The following FAT3 variants were observed in gnomAD, a reference collection of about 807,000 sequenced individuals.
FAT3 encodes the protein FAT atypical cadherin 3.
FAT3 carries 95 observed loss-of-function variants against 310.2 expected under a neutral mutation model. The observed-to-expected ratio is 0.31, with a 90% confidence interval of 0.26 to 0.36. The LOEUF is 0.36. FAT3 is among the 10% of genes least tolerant of loss of function. The pLI is 1.00. For synonymous variants in FAT3, 2,314 were observed against 2,192.9 expected (o/e 1.06, Z -1.54); for missense variants, 5,408 against 5,715.6 (o/e 0.95, Z 1.74).
intron 2 of FAT3, among the ~76,000 whole-genome samples, chr11:92,410,096 C>G (rs1486823786): frequency 6.6e-6 from 1 of 151,968 alleles, no homozygotes; most frequent in Non-Finnish European, 1.5e-5. Flanking sequence ...ATTTCTTTTA[C>G]CTGAGGGTGT....
chr11:92,357,331 CTT>C (rs1455458106), intron 2 of FAT3, among the ~76,000 whole-genome samples: 2 of 152,270 alleles, frequency 1.3e-5, no homozygotes, highest in African/African-American at 4.8e-5. Flanking sequence ...TATTTTCAAA[CTT>C]AGCTTTGTGT....
chr11:92,600,599 G>GTCTACTATTTGCCAGGATGTGTTGT (rs1939968162), intron 3 of FAT3, among the ~76,000 whole-genome samples: 1 of 152,170 alleles, frequency 6.6e-6, no homozygotes, highest in African/African-American at 2.4e-5. Context: ...TTAATTGAGT[G>GTCTACTATTTGCCAGGATGTGTTGT]TCTACTATTT....
intron 3 of FAT3, among the ~76,000 whole-genome samples, chr11:92,681,051 T>C (rs1051671036): frequency 3.3e-5 from 5 of 152,252 alleles, no homozygotes; most frequent in African/African-American, 1.2e-4. Context: ...TTTGGAAGTA[T>C]TTTTTATATA....
At chr11:92,658,623 C>G (rs528506528) in intron 3 of FAT3, among the ~76,000 whole-genome samples, 20 of 152,284 alleles carry the variant, frequency 1.3e-4, no homozygotes, top group African/African-American at 4.6e-4. Context: ...TTGCTGCCTC[C>G]CTAGAGGCTG....
At position 92,727,444 on chromosome 11, in the gene FAT3, T is replaced by C. The variant is rs181081452; in HGVS notation, c.3669+29999T>C. ...TATTTAGCTAGAATTTTAATAATGC[T>C]TAAAAAAAAACATGGTATGAAATGA... On this transcript the variant is annotated intron_variant, in intron 4 of 27. Coordinates refer to ENST00000525166, the MANE Select transcript of FAT3 (RefSeq NM_001367949.2). 8.9e-5 allele frequency among the ~76,000 whole-genome samples: 12 copies of C among 135,106 alleles called. No individual in the cohort carries two copies. In the Admixed American group the frequency reaches 8.9e-4, roughly 10 times the overall value. 88.6% of individuals were successfully genotyped at this position (135,106 alleles called of 152,430 possible).
chr11:92,713,383 C>G (rs779448790), intron 4 of FAT3, among the ~76,000 whole-genome samples: 32 of 152,206 alleles, frequency 2.1e-4, no homozygotes, highest in Admixed American at 6.5e-4. Context: ...GTTGTCAGAA[C>G]ACTAAACTCA....
chr11:92,755,607 G>A (rs978292501), intron 4 of FAT3, among the ~76,000 whole-genome samples: 3 of 152,198 alleles, frequency 2.0e-5, no homozygotes, highest in Non-Finnish European at 4.4e-5. Context: ...TAGCCATTCC[G>A]AGGTGTATAC....
intron 4 of FAT3, among the ~76,000 whole-genome samples, chr11:92,755,928 A>G (rs771098617): frequency 1.3e-5 from 2 of 152,172 alleles, no homozygotes; most frequent in Non-Finnish European, 2.9e-5. Context: ...CTGGATAAAT[A>G]TTTCATTTAT....
intron 1 of FAT3, among the ~76,000 whole-genome samples, chr11:92,260,082 A>G (rs1057254136): frequency 1.3e-5 from 2 of 152,170 alleles, no homozygotes; most frequent in African/African-American, 2.4e-5. Flanking sequence ...GTAGAATTCT[A>G]AGCACCCATT....
intron 1 of FAT3, among the ~76,000 whole-genome samples, chr11:92,283,239 T>C (rs1010690425): frequency 1.3e-5 from 2 of 152,180 alleles, no homozygotes; most frequent in African/African-American, 4.8e-5. Context: ...CAAAATAAAA[T>C]CTGAGACTTA....
chr11:92,334,856 A>T (rs1426967385), intron 1 of FAT3, among the ~76,000 whole-genome samples: 1 of 152,144 alleles, frequency 6.6e-6, no homozygotes, highest in Non-Finnish European at 1.5e-5. Context: ...CTCAGATAAG[A>T]ATTGGCCCCA....
chr11:92,789,694 C>T (rs1211468735), intron 7 of FAT3, among the ~76,000 whole-genome samples: 1 of 152,174 alleles, frequency 6.6e-6, no homozygotes, highest in Non-Finnish European at 1.5e-5. Flanking sequence ...GTGGTTGTCT[C>T]AGCTGTTCAA....
chr11:92,571,657 T>A (rs562391941), intron 3 of FAT3, among the ~76,000 whole-genome samples: 1 of 152,328 alleles, frequency 6.6e-6, no homozygotes, highest in Admixed American at 6.5e-5. Flanking sequence ...TTTGCATAGG[T>A]CTGGTAAGAC....
intron 2 of FAT3, among the ~76,000 whole-genome samples, chr11:92,420,062 T>A (rs75151152): frequency 6.6e-6 from 1 of 152,182 alleles, no homozygotes; most frequent in Non-Finnish European, 1.5e-5. Context: ...GTCAACAAAG[T>A]AAAGCCTGCC....
At chr11:92,599,897 A>G (rs1389585823) in intron 3 of FAT3, among the ~76,000 whole-genome samples, 1 of 152,164 alleles carries the variant, frequency 6.6e-6, no homozygotes, top group Non-Finnish European at 1.5e-5. Flanking sequence ...ACTGATCACA[A>G]TTAAATTGAA....
intron 2 of FAT3, among the ~76,000 whole-genome samples, chr11:92,413,294 A>G (rs975530021): frequency 3.9e-5 from 6 of 152,188 alleles, no homozygotes; most frequent in African/African-American, 1.4e-4. Context: ...AAATAGGGAG[A>G]ATAGCATTCC....
At chr11:92,289,613 T>G (rs1946644243) in intron 1 of FAT3, among the ~76,000 whole-genome samples, 1 of 152,064 alleles carries the variant, frequency 6.6e-6, no homozygotes, top group Non-Finnish European at 1.5e-5. Context: ...GGCCGTATCT[T>G]CAGAATATTT....
At chr11:92,773,844 A>G (rs1591714228) in intron 6 of FAT3, among the ~76,000 whole-genome samples, 197 bp from the exon 7 acceptor site, 1 of 152,280 alleles carries the variant, frequency 6.6e-6, no homozygotes, top group East Asian at 1.9e-4. Context: ...GACATTTGTT[A>G]TGCATTGTAG....
At chr11:92,443,188 T>C (rs1198112770) in intron 2 of FAT3, among the ~76,000 whole-genome samples, 1 of 152,136 alleles carries the variant, frequency 6.6e-6, no homozygotes, top group Non-Finnish European at 1.5e-5. Context: ...GAGAGAAAAA[T>C]CAAGTGAGAA....
Sources: gnomAD v4.1 joint callset for allele counts (sites outside exome capture counted in the v4.1 genomes callset) on GRCh38, gnomAD v4.1.1 for gene constraint, MANE v1.5 for transcripts, NCBI Gene and HGNC (gene_info 2026-07-23, HGNC 2026-07-21) for gene names.